Variants in CHRM3 observed in about 807,000 individuals in gnomAD.
CHRM3 encodes muscarinic acetylcholine receptor M3.
In CHRM3, 11 loss-of-function variants were observed where a neutral mutation model predicts 41.8. The observed-to-expected ratio is 0.26, with a 90% confidence interval of 0.17 to 0.44. The LOEUF (loss-of-function observed/expected upper bound fraction) is 0.44, where lower values mean the gene tolerates loss of function less well. CHRM3 is among the 20% of genes least tolerant of loss of function. The pLI is 1.00. For missense variants in CHRM3, 571 were observed against 745.4 expected (o/e 0.77, Z 2.72); for synonymous variants, 297 against 301.4 (o/e 0.99, Z 0.15).
intron 1 of CHRM3, among the ~76,000 whole-genome samples, chr1:239,446,752 G>A (rs1664181866): frequency 6.6e-6 from 1 of 152,178 alleles, no homozygotes; most frequent in South Asian, 2.1e-4. Context: ...TAAAGGCAAT[G>A]TGCATTTTTA....
chr1:239,801,865 C>A (rs889269085), intron 5 of CHRM3, among the ~76,000 whole-genome samples: 1 of 152,162 alleles, frequency 6.6e-6, no homozygotes, highest in Non-Finnish European at 1.5e-5. Flanking sequence ...TTTCCCCACA[C>A]ATATGATACC....
intron 5 of CHRM3, among the ~76,000 whole-genome samples, chr1:239,824,088 G>A (rs1030026449): frequency 3.0e-4 from 46 of 152,256 alleles, no homozygotes; most frequent in African/African-American, 3.6e-4. Flanking sequence ...TGCCGGCGGT[G>A]CCCTCTGTCT....
intron 4 of CHRM3, among the ~76,000 whole-genome samples, chr1:239,672,176 C>T (rs538036084): frequency 3.9e-5 from 6 of 152,234 alleles, no homozygotes; most frequent in African/African-American, 1.2e-4. Context: ...TCCAGTGTGA[C>T]GTAGGTGGGA....
At chr1:239,754,049 C>T (rs548721922) in intron 5 of CHRM3, among the ~76,000 whole-genome samples, 32 of 152,250 alleles carry the variant, frequency 2.1e-4, no homozygotes, top group African/African-American at 6.7e-4. Context: ...TTGTGCTTAG[C>T]ATTGTGATTA....
chr1:239,646,774 G>C (rs1573109454), intron 4 of CHRM3, among the ~76,000 whole-genome samples: 1 of 152,202 alleles, frequency 6.6e-6, no homozygotes, highest in African/African-American at 2.4e-5. Context: ...TATAACTTAA[G>C]GAACTTTGAT....
At chr1:239,844,232 C>G (rs1411394269) in intron 6 of CHRM3, among the ~76,000 whole-genome samples, 1 of 152,140 alleles carries the variant, frequency 6.6e-6, no homozygotes, top group Non-Finnish European at 1.5e-5. Context: ...TTCACCCCAC[C>G]ACCCACCATA....
At chr1:239,738,345 A>G (rs1416789) in intron 5 of CHRM3, among the ~76,000 whole-genome samples, 67,893 of 152,008 alleles carry the variant, frequency 0.45, 15,376 homozygotes, top group Middle Eastern at 0.53. Flanking sequence ...TACATTGCTC[A>G]GCTCTTCAGC....
rs758413973 is a variant in CHRM3 at position 239,874,285 on chromosome 1, G to GTATATATA, written c.-19-33113_-19-33106dup. 3.4e-3 allele frequency among the ~76,000 whole-genome samples: 284 copies of GTATATATA among 83,132 alleles called. 15 individuals are homozygous for GTATATATA. Among genetic ancestry groups the GTATATATA allele is most frequent in the African/African-American group, 0.016 (260 of 16,354 alleles). The allele number at this position is 83,132 out of a possible 152,430, so 54.5% of individuals were successfully genotyped here. A position where few individuals can be genotyped will look rare whatever the true frequency, so the allele number is the denominator to read the frequency against. ...AGACCTATATATATCTATATACACA[G>GTATATATA]TATATATATATATATATATATATAT... On this transcript the variant is annotated intron_variant, in intron 6 of 6. Coordinates refer to ENST00000676153, the MANE Select transcript of CHRM3 (RefSeq NM_001375978.1).
intron 2 of CHRM3, among the ~76,000 whole-genome samples, chr1:239,522,613 G>A (rs887104353): frequency 3.3e-5 from 5 of 152,172 alleles, no homozygotes; most frequent in African/African-American, 4.8e-5. Context: ...TATGTTCTCT[G>A]CATATTCTGC....
chr1:239,643,427 C>T (rs1263585804), intron 4 of CHRM3, among the ~76,000 whole-genome samples: 5 of 152,334 alleles, frequency 3.3e-5, no homozygotes, highest in South Asian at 2.1e-4. Context: ...CCACCCAGTT[C>T]GAGCTTCCCA....
At chr1:239,398,529 C>T (rs573793844) in intron 1 of CHRM3, among the ~76,000 whole-genome samples, 16 of 152,244 alleles carry the variant, frequency 1.1e-4, no homozygotes, top group East Asian at 5.8e-4. Flanking sequence ...TGAGCCACCA[C>T]GCCTGGCCAA....
intron 2 of CHRM3, among the ~76,000 whole-genome samples, chr1:239,516,898 TG>T (rs1354460007): frequency 6.6e-6 from 1 of 152,126 alleles, no homozygotes; most frequent in Non-Finnish European, 1.5e-5. Flanking sequence ...GGATCTAGGT[TG>T]CACACTCCTT....
At chr1:239,524,634 T>C (rs1240126663) in intron 2 of CHRM3, among the ~76,000 whole-genome samples, 3 of 152,200 alleles carry the variant, frequency 2.0e-5, no homozygotes, top group African/African-American at 4.8e-5. Context: ...CTTTTTCATA[T>C]TTAAATATTA....
rs527820442 is a variant in CHRM3, at chr1:239,886,974, A to G, written c.-19-20459A>G. On this transcript the variant is annotated intron_variant, in intron 6 of 6. Coordinates refer to ENST00000676153, the MANE Select transcript of CHRM3 (RefSeq NM_001375978.1). ...TGTTTCTGTCCTCCACCACCCTCCC[A>G]TGATGTTTATTTGTCCTGATTTGTC... Among the ~76,000 whole-genome samples, 3 of 152,170 alleles carry G rather than the reference A, an allele frequency of 2.0e-5. No individual in the cohort carries two copies. The South Asian group carries it at 6.2e-4, about 32-fold the overall frequency.
chr1:239,773,999 G>C (rs915748274), intron 5 of CHRM3, among the ~76,000 whole-genome samples: 1 of 152,142 alleles, frequency 6.6e-6, no homozygotes, highest in African/African-American at 2.4e-5. Flanking sequence ...ACCAGCTATA[G>C]GTACTACCTG....
chr1:239,769,527 G>T (rs1475794743), intron 5 of CHRM3, among the ~76,000 whole-genome samples: 2 of 152,200 alleles, frequency 1.3e-5, no homozygotes, highest in East Asian at 1.9e-4. Context: ...GTGACATTTT[G>T]CCATTGACTT....
At chr1:239,666,671 T>C (rs927827976) in intron 4 of CHRM3, among the ~76,000 whole-genome samples, 2 of 152,134 alleles carry the variant, frequency 1.3e-5, no homozygotes, top group Non-Finnish European at 2.9e-5. Context: ...TCTCTCTCTC[T>C]TTTACAATAT....
chr1:239,671,577 G>T (rs532258370), intron 4 of CHRM3, among the ~76,000 whole-genome samples: 1 of 151,132 alleles, frequency 6.6e-6, no homozygotes, highest in East Asian at 1.9e-4. Context: ...ATGTCAAAAA[G>T]AAAAAAAAGG....
intron 5 of CHRM3, among the ~76,000 whole-genome samples, chr1:239,745,606 C>T (rs111491334): frequency 3.9e-5 from 6 of 152,204 alleles, no homozygotes; most frequent in African/African-American, 1.4e-4. Flanking sequence ...AACCTGTCAT[C>T]TACATTAGGT....
Sources: gnomAD v4.1 joint callset for allele counts (sites outside exome capture counted in the v4.1 genomes callset) on GRCh38, gnomAD v4.1.1 for gene constraint, MANE v1.5 for transcripts, NCBI Gene and HGNC (gene_info 2026-07-23, HGNC 2026-07-21) for gene names.